UBE2V2: variants seen among roughly 807,000 people sequenced by gnomAD.
The protein encoded by UBE2V2 is ubiquitin conjugating enzyme E2 V2, also known as ubiquitin-conjugating enzyme E2 variant 2.
Under a neutral mutation model 17.2 loss-of-function variants are expected in UBE2V2, and 9 were observed. The observed-to-expected ratio is 0.52, with a 90% CI of 0.32 to 0.91. The LOEUF (loss-of-function observed/expected upper bound fraction) is 0.91. UBE2V2 is among the 40% of genes least tolerant of loss of function. The probability of loss-of-function intolerance (pLI) is 0.04; values close to 1 mark genes in which losing one functional copy is unlikely to be tolerated. For missense variants in UBE2V2, 133 were observed against 182.6 expected, an observed-to-expected ratio of 0.73 and a Z score of 1.56; for synonymous variants, 61 against 57.5, an observed-to-expected ratio of 1.06 and a Z score of -0.28.
intron 1 of UBE2V2, 44 bp from the exon 2 acceptor site, chr8:48,042,989 T>A (rs200281870): frequency 8.7e-6 from 12 of 1,382,518 alleles, no homozygotes; most frequent in Non-Finnish European, 1.1e-5. Flanking sequence ...GTAGCTCTTA[T>A]AATTATGAGC....
intron 3 of UBE2V2, among the ~76,000 whole-genome samples, chr8:48,057,738 T>C (rs997987042): frequency 7.9e-5 from 12 of 152,140 alleles, no homozygotes; most frequent in Non-Finnish European, 1.8e-4. Flanking sequence ...TTTTACACTT[T>C]TGTTAAATTT....
chr8:48,054,591 C>T (rs191596813), intron 3 of UBE2V2, among the ~76,000 whole-genome samples: 1 of 152,240 alleles, frequency 6.6e-6, no homozygotes, highest in East Asian at 1.9e-4. Flanking sequence ...GTAAATGGTA[C>T]AGAATTTCAC....
intron 1 of UBE2V2, among the ~76,000 whole-genome samples, chr8:48,035,616 A>ATTT (rs1445714369): frequency 5.3e-5 from 2 of 37,852 alleles, no homozygotes; most frequent in African/African-American, 9.9e-5. Flanking sequence ...TTTAAAAATT[A>ATTT]TTGTTTTTTT....
upstream of UBE2V2, among the ~76,000 whole-genome samples, chr8:48,003,599 G>T (rs1336007051): frequency 4.6e-5 from 7 of 152,094 alleles, no homozygotes; most frequent in Non-Finnish European, 8.8e-5. Context: ...GAATGTCTTG[G>T]CTATTGAGGC....
chr8:48,029,146 A>G (rs1030153746), intron 1 of UBE2V2, among the ~76,000 whole-genome samples: 4 of 152,002 alleles, frequency 2.6e-5, no homozygotes, highest in African/African-American at 9.7e-5. Context: ...TGGGCAACGT[A>G]CCGAGATCCT....
Position 48,060,728 on chromosome 8 carries a change from A to G in UBE2V2, c.338A>G (p.Tyr113Cys). The G allele has an allele frequency of 3.2e-6, 5 of 1,544,066 alleles. No individual in the cohort carries two copies. The highest frequency in any genetic ancestry group is 3.5e-6 in the Non-Finnish European group (4 of 1,148,120). Residue 113 changes from tyrosine to cysteine, a missense_variant, in exon 4 of 4, where the codon TAT becomes TGT. Coordinates refer to ENST00000523111, the MANE Select transcript of UBE2V2 (RefSeq NM_003350.3). ...GTGTTAGCAAAATGGCAAAATTCAT[A>G]TAGCATTAAAGTTGTACTTCAAGAG... ...IPVLAKWQNS[Y>C]SIKVVLQELR... is the part of the protein sequence containing the mutation.
chr8:48,017,928 C>G (rs1463353905), intron 1 of UBE2V2, among the ~76,000 whole-genome samples: 1 of 151,268 alleles, frequency 6.6e-6, no homozygotes, highest in Non-Finnish European at 1.5e-5. Flanking sequence ...CTCGCTGCAG[C>G]CTCAACTTCC....
At chr8:48,020,535 GTTAA>G (rs1345153109) in intron 1 of UBE2V2, among the ~76,000 whole-genome samples, 1 of 152,096 alleles carries the variant, frequency 6.6e-6, no homozygotes, top group Non-Finnish European at 1.5e-5. Context: ...CTGCCATCCT[GTTAA>G]TTGTTTCCTA....
At chr8:48,023,075 T>C (rs1238625358) in intron 1 of UBE2V2, among the ~76,000 whole-genome samples, 7 of 152,120 alleles carry the variant, frequency 4.6e-5, no homozygotes, top group African/African-American at 1.7e-4. Flanking sequence ...CTCTTTGTCT[T>C]TGATCTTTGA....
chr8:48,010,854 C>A (rs201526859), intron 1 of UBE2V2, among the ~76,000 whole-genome samples: 1 of 150,072 alleles, frequency 6.7e-6, no homozygotes, highest in East Asian at 1.9e-4. Context: ...CATGCCACCA[C>A]GCCCAGCAAA....
At chr8:48,008,673 G>T (rs931825144) in intron 1 of UBE2V2, 74 of 572,198 alleles carry the variant, frequency 1.3e-4, no homozygotes, top group Non-Finnish European at 1.7e-4. Context: ...GGTCGTGCTC[G>T]CGCGTCGGCC....
chr8:48,019,731 C>T (rs1295251618), intron 1 of UBE2V2, among the ~76,000 whole-genome samples: 1 of 151,394 alleles, frequency 6.6e-6, no homozygotes, highest in East Asian at 2.0e-4. Flanking sequence ...AGGAGAATCA[C>T]GTGAACCTGG....
intron 1 of UBE2V2, among the ~76,000 whole-genome samples, chr8:48,032,865 G>T (rs1197891388): frequency 1.3e-5 from 2 of 152,140 alleles, no homozygotes; most frequent in Non-Finnish European, 1.5e-5. Context: ...TGATGTTTTT[G>T]AAACAGCCAG....
Position 48,022,805 on chromosome 8 carries a change from C to T in UBE2V2, c.16+14335C>T, listed in dbSNP as rs906595451. On this transcript the variant is annotated intron_variant, in intron 1 of 3. Transcript: ENST00000523111. Reference sequence around the variant, plus strand: ...TCTAAAGGACAGATTTTTTCCTGGTCGCATTTTTTTTTTTTTTTAAAGAGA... The same window carrying T: ...TCTAAAGGACAGATTTTTTCCTGGTTGCATTTTTTTTTTTTTTTAAAGAGA... Among the ~76,000 whole-genome samples the T allele has an allele frequency of 6.0e-5, 9 of 150,208 alleles. No individual in the cohort carries two copies. In the East Asian group the frequency reaches 1.2e-3, roughly 20 times the overall value.
chr8:48,021,598 G>A (rs928298916), intron 1 of UBE2V2, among the ~76,000 whole-genome samples: 6 of 151,950 alleles, frequency 3.9e-5, no homozygotes, highest in Admixed American at 6.6e-5. Flanking sequence ...GAGCCACTGC[G>A]CCCGGCCGGT....
At chr8:48,020,094 A>G (rs1473346760) in intron 1 of UBE2V2, among the ~76,000 whole-genome samples, 1 of 149,358 alleles carries the variant, frequency 6.7e-6, no homozygotes, top group Non-Finnish European at 1.5e-5. Flanking sequence ...GCTAGAGTGC[A>G]GTGGCGTGAA....
chr8:48,044,186 C>T (rs1305910329), intron 2 of UBE2V2, among the ~76,000 whole-genome samples: 1 of 152,066 alleles, frequency 6.6e-6, no homozygotes, highest in African/African-American at 2.4e-5. Context: ...ATTGAGACAA[C>T]ATCTTGTTCA....
chr8:48,021,606 G>C (rs998286322), intron 1 of UBE2V2, among the ~76,000 whole-genome samples: 1 of 151,556 alleles, frequency 6.6e-6, no homozygotes, highest in Admixed American at 6.6e-5. Context: ...GCGCCCGGCC[G>C]GTCTTGAACT....
chr8:48,031,858 G>A (rs1457394486), intron 1 of UBE2V2, among the ~76,000 whole-genome samples: 1 of 152,056 alleles, frequency 6.6e-6, no homozygotes, highest in Non-Finnish European at 1.5e-5. Context: ...ATGTTATCCA[G>A]GATGGTCTCA....
Sources: gnomAD v4.1 joint callset for allele counts (sites outside exome capture counted in the v4.1 genomes callset) on GRCh38, gnomAD v4.1.1 for gene constraint, MANE v1.5 for transcripts, NCBI Gene and HGNC (gene_info 2026-07-23, HGNC 2026-07-21) for gene names.